SHANK2: variants seen among roughly 807,000 people sequenced by gnomAD.
SHANK2 encodes SH3 and multiple ankyrin repeat domains 2, also known as SH3 and multiple ankyrin repeat domains protein 2.
In SHANK2, 43 loss-of-function variants were observed where a neutral mutation model predicts 133.7. The ratio of observed to expected loss-of-function variants is 0.32; its 90% CI spans 0.25 to 0.41. SHANK2 has a LOEUF of 0.41. Among genes scored for constraint, SHANK2 ranks in the 10% least tolerant of loss-of-function variants. SHANK2 has a pLI of 1.00. For missense variants in SHANK2, 1,994 were observed against 2,235.8 expected, an observed-to-expected ratio of 0.89 and a Z score of 2.18; for synonymous variants, 1,017 against 952.8, an observed-to-expected ratio of 1.07 and a Z score of -1.24.
At chr11:71,160,159 G>A (rs1417990609) in intron 2 of SHANK2, among the ~76,000 whole-genome samples, 1 of 152,114 alleles carries the variant, frequency 6.6e-6, no homozygotes, top group Non-Finnish European at 1.5e-5. Context: ...AAGGTACCAG[G>A]AAAACAAGCA....
In SHANK2 at chr11:70,486,567, G is replaced by A. The variant is rs1288300942; in HGVS notation, c.3726C>T (p.Asp1242=). 1 of 1,613,976 alleles carries A rather than the reference G, an allele frequency of 6.2e-7. No individual in the cohort carries two copies. The highest frequency in any genetic ancestry group is 2.2e-5 in the East Asian group (1 of 44,880). The change falls in exon 25 of 26, where the codon GAC becomes GAT. Residue 1242 remains aspartate, a synonymous_variant. Coordinates refer to ENST00000601538, the MANE Select transcript of SHANK2 (RefSeq NM_012309.5). The surrounding 1 kb of genome is among the most constrained non-coding windows in gnomAD (Gnocchi z 8.0). ...TATCAATGTAAAGAGGTTTGTTGAG[G>A]TCGGCCTTGGGGGCCTCCCCTTTGG... is the stretch of plus-strand genomic sequence containing the variant. ...QGPKGEAPKA[D]LNKPLYIDTK... is the part of the protein sequence containing the mutation.
intron 2 of SHANK2, among the ~76,000 whole-genome samples, chr11:71,181,886 G>T (rs560114518): frequency 7.9e-4 from 117 of 148,410 alleles, no homozygotes; most frequent in African/African-American, 2.8e-3. Flanking sequence ...GTGGGAAGAA[G>T]AATTTGTATT....
chr11:70,765,027 G>A (rs1291980211), intron 14 of SHANK2, among the ~76,000 whole-genome samples: 1 of 152,218 alleles, frequency 6.6e-6, no homozygotes, highest in Non-Finnish European at 1.5e-5. Context: ...CAGCCCAAGG[G>A]AAGAAGACTA....
At chr11:70,767,693 G>C (rs1421686507) in intron 14 of SHANK2, among the ~76,000 whole-genome samples, 1 of 152,044 alleles carries the variant, frequency 6.6e-6, no homozygotes, top group Non-Finnish European at 1.5e-5. Context: ...GCTGCCAGGG[G>C]TGGGGGGGGC....
intron 11 of SHANK2, among the ~76,000 whole-genome samples, chr11:70,858,193 C>T (rs1949199983): frequency 6.6e-6 from 1 of 152,236 alleles, no homozygotes; most frequent in Non-Finnish European, 1.5e-5. Context: ...GCATCTGCTT[C>T]CTGTCCCCTG....
chr11:70,728,183 C>T, intron 14 of SHANK2, among the ~76,000 whole-genome samples: 1 of 152,162 alleles, frequency 6.6e-6, no homozygotes, highest in East Asian at 1.9e-4. Context: ...TCCCAAAGGG[C>T]AGTGCTTGGT....
chr11:71,221,697 C>T (rs1383846088), intron 2 of SHANK2, among the ~76,000 whole-genome samples: 2 of 152,158 alleles, frequency 1.3e-5, no homozygotes, highest in Admixed American at 6.5e-5. Context: ...ACTAATTATG[C>T]GATACCCTGG....
intron 17 of SHANK2, among the ~76,000 whole-genome samples, chr11:70,636,717 G>A (rs900464802): frequency 2.0e-5 from 3 of 151,538 alleles, no homozygotes; most frequent in Admixed American, 6.6e-5. Flanking sequence ...ACATATGTGC[G>A]AGGATGCATG....
At chr11:71,119,758 G>C (rs1255164823) in intron 3 of SHANK2, among the ~76,000 whole-genome samples, 1 of 152,030 alleles carries the variant, frequency 6.6e-6, no homozygotes, top group East Asian at 1.9e-4. Flanking sequence ...AGCAGGTCTG[G>C]GTGGGACCTG....
At chr11:71,096,775 A>C (rs1322659029) in intron 6 of SHANK2, among the ~76,000 whole-genome samples, 1 of 152,248 alleles carries the variant, frequency 6.6e-6, no homozygotes, top group Non-Finnish European at 1.5e-5. Flanking sequence ...AGGCAGTCCA[A>C]AGCAGATTTT....
intron 13 of SHANK2, among the ~76,000 whole-genome samples, chr11:70,799,157 G>C (rs905835773): frequency 6.6e-6 from 1 of 151,958 alleles, no homozygotes; most frequent in African/African-American, 2.4e-5. Context: ...CAGCACTTTG[G>C]GGGGCCGAGG....
At chr11:70,912,931 T>C (rs1950217483) in intron 10 of SHANK2, among the ~76,000 whole-genome samples, 1 of 152,114 alleles carries the variant, frequency 6.6e-6, no homozygotes, top group Non-Finnish European at 1.5e-5. Context: ...GAACAAAAAT[T>C]GACCACAAAA....
At chr11:70,489,213 C>CT in intron 24 of SHANK2, 115 bp downstream of exon 24, 1 of 1,029,202 alleles carries the variant, frequency 9.7e-7, no homozygotes, top group Non-Finnish European at 1.5e-6. Flanking sequence ...ACCAGTCACT[C>CT]TGAGTTGGCT....
At chr11:71,096,455 C>G (rs1951614859) in intron 6 of SHANK2, among the ~76,000 whole-genome samples, 1 of 152,186 alleles carries the variant, frequency 6.6e-6, no homozygotes, top group Admixed American at 6.5e-5. Context: ...GAGAGAGGAA[C>G]AGTCAGCCCC....
rs372417511 is a variant in SHANK2, at chr11:70,502,216, C to T, written c.2268G>A (p.Leu756=). ...GGGTGTGCGACTTACCGAGCTCCTC[C>T]AGCTCCGAGGTCATGGACTTGGAGC... is the stretch of plus-strand genomic sequence containing the variant. The part of the protein sequence containing the change: ...TLRSKSMTSE[L]EELVDKASVR... The change falls in exon 19 of 26, where the codon CTG becomes CTA. Residue 756 remains leucine, a synonymous_variant. Coordinates refer to ENST00000601538, the MANE Select transcript of SHANK2 (RefSeq NM_012309.5). The T allele has an allele frequency of 8.3e-5, 130 of 1,557,136 alleles. 1 individual carries two copies. In the East Asian group the frequency reaches 2.2e-3, roughly 26 times the overall value.
intron 2 of SHANK2, among the ~76,000 whole-genome samples, chr11:71,204,322 G>A (rs1379752171): frequency 3.3e-5 from 5 of 152,246 alleles, no homozygotes; most frequent in Admixed American, 6.5e-5. Flanking sequence ...CTCAGGGCAC[G>A]GGCAGAGGGC....
chr11:71,110,799 G>T (rs946368588), intron 5 of SHANK2, among the ~76,000 whole-genome samples: 1 of 152,178 alleles, frequency 6.6e-6, no homozygotes, highest in African/African-American at 2.4e-5. Context: ...CTCACCGTTC[G>T]CCATCCTAGT....
rs1948927977 is a variant in SHANK2, at chr11:70,842,809, G to A, written c.1175-22127C>T. Among the ~76,000 whole-genome samples the A allele has an allele frequency of 2.6e-5, 4 of 152,216 alleles. No individual in the cohort carries two copies. In the South Asian group the frequency reaches 6.2e-4, roughly 24 times the overall value. On this transcript the variant is annotated intron_variant, in intron 11 of 25. Coordinates refer to ENST00000601538, the MANE Select transcript of SHANK2 (RefSeq NM_012309.5). ...GGTCTCCCCACCCAGAGGCCCAAGA[G>A]ACGGCCGAGGTGAAGCTCCCTCCAC...
rs908736526 is a variant in SHANK2, at chr11:70,734,227, G to A, written c.1778-35464C>T. ...GGAGGCCCTTCCAGGGCACCGTGAC[G>A]GGGGAACTGGCTATGCGAGGAGATG... On this transcript the variant is annotated intron_variant, in intron 14 of 25. Coordinates refer to ENST00000601538, the MANE Select transcript of SHANK2 (RefSeq NM_012309.5). Among the ~76,000 whole-genome samples, 5 of 152,312 alleles carry A rather than the reference G, an allele frequency of 3.3e-5. No homozygotes were observed. In the South Asian group the frequency reaches 6.2e-4, roughly 19 times the overall value.
Sources: allele counts gnomAD v4.1 joint callset (sites outside exome capture counted in the v4.1 genomes callset), GRCh38; gene constraint gnomAD v4.1.1; non-coding constraint Gnocchi (gnomAD v3.1); transcripts MANE v1.5; gene names NCBI Gene and HGNC (gene_info 2026-07-23, HGNC 2026-07-21).